Variants in SACS observed in about 807,000 individuals in gnomAD.
SACS encodes sacsin molecular chaperone, also known as sacsin.
SACS carries 197 observed loss-of-function variants against 348.0 expected under a neutral mutation model. The ratio of observed to expected loss-of-function variants is 0.57; its 90% CI spans 0.50 to 0.64. SACS has a LOEUF of 0.64. Ranked by LOEUF, SACS falls within the 30% of genes least tolerant of loss-of-function variation. The probability of loss-of-function intolerance (pLI) is 0.00; values close to 1 mark genes in which losing one functional copy is unlikely to be tolerated. For missense variants in SACS, 4,999 were observed against 5,360.8 expected (o/e 0.93, Z 2.11); for synonymous variants, 1,985 against 1,910.6 (o/e 1.04, Z -1.02).
At chr13:23,402,735 C>T (rs2137933422) in intron 2 of SACS, among the ~76,000 whole-genome samples, 1 of 152,240 alleles carries the variant, frequency 6.6e-6, no homozygotes, top group East Asian at 1.9e-4. Flanking sequence ...GAGTTCCCAG[C>T]CTTCCAGAAG....
intron 9 of SACS, among the ~76,000 whole-genome samples, chr13:23,342,921 A>T (rs1325494795): frequency 6.6e-6 from 1 of 152,244 alleles, no homozygotes; most frequent in Non-Finnish European, 1.5e-5. Flanking sequence ...GAGATTCTAG[A>T]TCTAAAGACT....
chr13:23,371,209 C>G (rs1871369642), intron 3 of SACS, 44 bp from the exon 4 acceptor site: 1 of 1,186,044 alleles, frequency 8.4e-7, no homozygotes, highest in Non-Finnish European at 1.2e-6. Context: ...AATACAGTCT[C>G]TAATACTGTA....
Position 23,332,636 on chromosome 13 carries a change from T to A in SACS, c.11240A>T (p.Lys3747Met). ...LNVNLDPPLD[K>M]VINNCRNICN... The stretch of plus-strand genomic sequence containing the variant: ...TATGTTTCTGCAGTTATTGATTACC[T>A]TATCAAGAGGAGGATCCAGGTTAAC... The change falls in exon 10 of 10, where the codon AAG becomes ATG. Residue 3747 changes from lysine to methionine, a missense_variant. Physicochemically the swap from Lys to Met is moderately conservative, Grantham distance 95 (BLOSUM62 -1). Transcript: ENST00000382292. The A allele has an allele frequency of 6.2e-7, 1 of 1,613,642 alleles. No homozygotes were observed.
At chr13:23,410,006 A>C (rs1873416700) in intron 2 of SACS, among the ~76,000 whole-genome samples, 1 of 152,208 alleles carries the variant, frequency 6.6e-6, no homozygotes, top group African/African-American at 2.4e-5. Flanking sequence ...TACCAATACA[A>C]AGAAGTCAGC....
At chr13:23,353,233 T>C (rs1026318075) in intron 9 of SACS, among the ~76,000 whole-genome samples, 7 of 152,062 alleles carry the variant, frequency 4.6e-5, no homozygotes, top group Non-Finnish European at 1.0e-4. Context: ...TTCCTGCCCC[T>C]GTTACAGAGT....
chr13:23,338,379 A>G lies in SACS; in HGVS notation c.5497T>C (p.Ser1833Pro). The G allele has an allele frequency of 6.2e-7, 1 of 1,614,088 alleles. No homozygotes were observed. The highest frequency in any genetic ancestry group is 8.5e-7 in the Non-Finnish European group (1 of 1,179,988). ...CMDTGEALKF[S>P]LSESGRRLGL... ...AGTCTTCTTCCACTCTCACTCAGGG[A>G]AAACTTCAGAGCCTCTCCTGTGTCC... Residue 1833 changes from serine to proline, a missense_variant, in exon 10 of 10, where the codon TCC becomes CCC. This residue lies in a region of SACS where 3,156 missense variants were observed against 3,380.1 expected (regional missense o/e 0.93). Coordinates refer to ENST00000382292, the MANE Select transcript of SACS (RefSeq NM_014363.6).
intron 2 of SACS, among the ~76,000 whole-genome samples, chr13:23,398,525 A>G (rs1872806295): frequency 7.6e-6 from 1 of 131,636 alleles, no homozygotes; most frequent in Non-Finnish European, 1.6e-5. Context: ...CAAGAGTGAA[A>G]CTCCGTCTCA....
Position 23,332,557 on chromosome 13 carries a change from T to G in SACS, c.11319A>C (p.Leu3773Phe). 5.0e-6 allele frequency: 8 copies of G among 1,613,950 alleles called. No homozygotes were observed. The highest frequency in any genetic ancestry group is 6.8e-6 in the Non-Finnish European group (8 of 1,179,888). The change falls in exon 10 of 10, where the codon TTA becomes TTC. Residue 3773 changes from leucine to phenylalanine, a missense_variant. Physicochemically the swap from Leu to Phe is conservative, Grantham distance 22 (BLOSUM62 0). Coordinates refer to ENST00000382292, the MANE Select transcript of SACS (RefSeq NM_014363.6). ...EEMVKTRAKVLRSIYEFLSAE... is the reference protein window; with the variant it reads ...EEMVKTRAKVFRSIYEFLSAE... ...CACTGAGGAATTCATATATGCTCCT[T>G]AAGACTTTTGCTCTAGTTTTTACCA...
In SACS at chr13:23,335,984, T is replaced by C. The variant is rs150783263; in HGVS notation, c.7892A>G (p.His2631Arg). 2 of 1,612,882 alleles carry C rather than the reference T, an allele frequency of 1.2e-6. No homozygotes were observed. The highest frequency in any genetic ancestry group is 1.7e-6 in the Non-Finnish European group (2 of 1,178,938). The change falls in exon 10 of 10, where the codon CAT becomes CGT. Residue 2631 changes from histidine (H) to arginine (R), a missense_variant. By Grantham distance (29) the His-to-Arg change is conservative (BLOSUM62 0). Transcript: ENST00000382292. This position sits in a 1 kb window ranked among gnomAD's most constrained non-coding sequence, Gnocchi z 4.7. ...AATAAAAGATGGGCAGTCTGTGATA[T>C]GATACACAGAATTGAATCCTATTCC... The part of the protein sequence containing the change: ...QYGIGFNSVY[H>R]ITDCPSFISG...
At chr13:23,385,203 T>C (rs1487702375) in intron 2 of SACS, among the ~76,000 whole-genome samples, 2 of 151,996 alleles carry the variant, frequency 1.3e-5, no homozygotes, top group African/African-American at 4.8e-5. Flanking sequence ...CAGGCTCCAC[T>C]GCTAATTCTA....
At chr13:23,410,840 C>T (rs915273748) in intron 2 of SACS, among the ~76,000 whole-genome samples, 1 of 152,246 alleles carries the variant, frequency 6.6e-6, no homozygotes, top group Non-Finnish European at 1.5e-5. Context: ...CCTCTCTCCT[C>T]AGGTTATTCA....
rs748678066 is a variant in SACS at position 23,340,964 on chromosome 13, T to C, written c.2912A>G (p.Asp971Gly). The change falls in exon 10 of 10, where the codon GAT becomes GGT. Residue 971 changes from aspartate to glycine, a missense_variant. Physicochemically the swap from Asp to Gly is moderately conservative, Grantham distance 94. Transcript: ENST00000382292. Reference sequence around the variant, plus strand: ...GTTTGCCAGACGAATAGTAGCTTCATCACTACTGTCTATTACTGAAATAGA... The same window carrying C: ...GTTTGCCAGACGAATAGTAGCTTCACCACTACTGTCTATTACTGAAATAGA... ...RLSISVIDSS[D>G]EATIRLANML... 14 of 1,613,996 alleles carry C rather than the reference T, an allele frequency of 8.7e-6. No homozygotes were observed. The African/African-American group carries it at 1.1e-4, about 12-fold the overall frequency.
intron 1 of SACS, among the ~76,000 whole-genome samples, chr13:23,419,599 T>C (rs1206998812): frequency 6.6e-6 from 1 of 152,150 alleles, no homozygotes; most frequent in East Asian, 1.9e-4. Context: ...TCTCTTTTCT[T>C]ATATTGCAAT....
intron 1 of SACS, among the ~76,000 whole-genome samples, chr13:23,432,946 A>G (rs1874493533): frequency 1.3e-5 from 2 of 152,212 alleles, no homozygotes; most frequent in African/African-American, 4.8e-5. Context: ...TTTAAGGAAG[A>G]AAAAAAGACA....
rs545919374 is a variant in SACS, at chr13:23,344,107, A to T, written c.2186-2417T>A. On this transcript the variant is annotated intron_variant, in intron 9 of 9. Coordinates refer to ENST00000382292, the MANE Select transcript of SACS (RefSeq NM_014363.6). ...AATTTTACAACATTGTTCTTTAAAAATTCTCACCGAATCAGATTTAACTAT... is the reference window on the plus strand; with the variant it reads ...AATTTTACAACATTGTTCTTTAAAATTTCTCACCGAATCAGATTTAACTAT... Among the ~76,000 whole-genome samples, 12 of 152,358 alleles carry T rather than the reference A, an allele frequency of 7.9e-5. No homozygotes were observed. In the South Asian group the frequency reaches 2.3e-3, roughly 29 times the overall value.
intron 2 of SACS, among the ~76,000 whole-genome samples, chr13:23,396,185 G>C (rs150738307): frequency 6.6e-6 from 1 of 151,998 alleles, no homozygotes. Context: ...TTAGCCAAAC[G>C]TGGTGGCAGG....
In SACS at chr13:23,336,707, C is replaced by T. The variant is rs1868637796; in HGVS notation, c.7169G>A (p.Gly2390Asp). 6.2e-7 allele frequency: 1 copy of T among 1,613,816 alleles called. No homozygotes were observed. Among genetic ancestry groups the T allele is most frequent in the Non-Finnish European group, 8.5e-7 (1 of 1,179,866 alleles). ...TTCAACAGTGCATGACTGCCTCACA[C>T]CCACGGTTTCAAAAAGTTCGCGGAA... ...NNFRELFETV[G>D]VRQSCTVEDF... The change falls in exon 10 of 10, where the codon GGT becomes GAT. Residue 2390 changes from glycine to aspartate, a missense_variant. Gly to Asp is a moderately conservative substitution (Grantham distance 94). Coordinates refer to ENST00000382292, the MANE Select transcript of SACS (RefSeq NM_014363.6).
Position 23,336,418 on chromosome 13 carries a change from A to G in SACS, c.7458T>C (p.Ala2486=). ...VKDTTVKYCH[A]DIPREVAVKL... ...TTACTGCTACTTCCCTGGGTATGTCAGCATGACAATATTTTACAGTGGTAT... is the reference window on the plus strand; with the variant it reads ...TTACTGCTACTTCCCTGGGTATGTCGGCATGACAATATTTTACAGTGGTAT... The change falls in exon 10 of 10, where the codon GCT becomes GCC. Residue 2486 remains alanine (A), a synonymous_variant. Coordinates refer to ENST00000382292, the MANE Select transcript of SACS (RefSeq NM_014363.6). 6.2e-7 allele frequency: 1 copy of G among 1,614,126 alleles called. No homozygotes were observed. The highest frequency in any genetic ancestry group is 8.5e-7 in the Non-Finnish European group (1 of 1,179,962).
At chr13:23,346,291 C>G (rs1351838986) in intron 9 of SACS, among the ~76,000 whole-genome samples, 1 of 152,096 alleles carries the variant, frequency 6.6e-6, no homozygotes, top group Non-Finnish European at 1.5e-5. Flanking sequence ...ATTAAAGGTG[C>G]CTGCCACCAC....
Sources: gnomAD v4.1 joint callset for allele counts (sites outside exome capture counted in the v4.1 genomes callset) on GRCh38, gnomAD v4.1.1 for gene constraint, gnomAD v4.1.1 regional missense constraint, Gnocchi (gnomAD v3.1) non-coding constraint, MANE v1.5 for transcripts, NCBI Gene and HGNC (gene_info 2026-07-23, HGNC 2026-07-21) for gene names.